Variants in TRAPPC9 observed in about 807,000 individuals in gnomAD.
The protein encoded by TRAPPC9 is IKK2 binding protein.
Under a neutral mutation model 124.0 loss-of-function variants are expected in TRAPPC9, and 83 were observed. That is an observed-to-expected ratio of 0.67 (90% CI 0.56 to 0.80). The LOEUF is 0.80. Ranked by LOEUF, TRAPPC9 falls within the 30% of genes least tolerant of loss-of-function variation. The pLI is 0.00. For missense variants in TRAPPC9, 1,302 were observed against 1,508.3 expected (o/e 0.86, Z 2.27); for synonymous variants, 638 against 617.5 (o/e 1.03, Z -0.49).
chr8:139,804,629 GCCA>G (rs1332884730), intron 21 of TRAPPC9, among the ~76,000 whole-genome samples: 3 of 34,554 alleles, frequency 8.7e-5, no homozygotes, highest in Non-Finnish European at 1.5e-4. Context: ...ACCCACCACC[GCCA>G]CCAAGCACCA....
At chr8:140,446,279 G>GT (rs1208629026) in intron 2 of TRAPPC9, among the ~76,000 whole-genome samples, 21 of 127,068 alleles carry the variant, frequency 1.7e-4, no homozygotes, top group African/African-American at 6.2e-4. Context: ...GGGCGAAAGA[G>GT]TAAGACTCTG....
chr8:140,413,669 C>T (rs1398460430), intron 5 of TRAPPC9, among the ~76,000 whole-genome samples: 1 of 108,402 alleles, frequency 9.2e-6, no homozygotes, highest in African/African-American at 3.6e-5. Context: ...CCTCCCCCCA[C>T]CCCACAACAG....
At chr8:139,823,876 C>G (rs1825439476) in intron 21 of TRAPPC9, among the ~76,000 whole-genome samples, 1 of 152,204 alleles carries the variant, frequency 6.6e-6, no homozygotes, top group Non-Finnish European at 1.5e-5. Flanking sequence ...AAGCCCACAC[C>G]TGCTCCCTCC....
chr8:140,260,926 T>C (rs1016093879), intron 15 of TRAPPC9, among the ~76,000 whole-genome samples: 1 of 152,142 alleles, frequency 6.6e-6, no homozygotes, highest in African/African-American at 2.4e-5. Context: ...GAGAGTACTT[T>C]GAAAAGATAT....
chr8:139,898,354 C>T (rs140311066), intron 20 of TRAPPC9, among the ~76,000 whole-genome samples: 301 of 152,344 alleles, frequency 2.0e-3, no homozygotes, highest in African/African-American at 7.0e-3. Context: ...GGCAGGTTTA[C>T]GGTCTCTGAG....
intron 19 of TRAPPC9, among the ~76,000 whole-genome samples, chr8:139,964,057 T>C (rs1042450846): frequency 4.0e-5 from 6 of 151,660 alleles, no homozygotes; most frequent in Non-Finnish European, 8.8e-5. Context: ...ACCTTGTCTG[T>C]ACTAAAAATA....
chr8:140,110,103 C>A (rs1390450523), intron 17 of TRAPPC9, among the ~76,000 whole-genome samples: 1 of 151,754 alleles, frequency 6.6e-6, no homozygotes, highest in Non-Finnish European at 1.5e-5. Flanking sequence ...AGAGTAGGGC[C>A]GCAGTGGTTG....
In TRAPPC9 at chr8:140,257,087, C is replaced by T. The variant is rs1222186721; in HGVS notation, c.2279-4158G>A. 6.6e-6 allele frequency among the ~76,000 whole-genome samples: 1 copy of T among 152,212 alleles called. No individual in the cohort carries two copies. Among genetic ancestry groups the T allele is most frequent in the African/African-American group, 2.4e-5 (1 of 41,466 alleles). ...GTTCATATGCTAAGGCCAGAGGAGG[C>T]ATGAGTCTCCGCCATAGTGCAGAGT... On this transcript the variant is annotated intron_variant, in intron 15 of 22. Transcript: ENST00000438773. This position sits in a 1 kb window ranked among gnomAD's most constrained non-coding sequence, Gnocchi z 4.6.
intron 9 of TRAPPC9, among the ~76,000 whole-genome samples, chr8:140,336,541 G>C (rs1334336013): frequency 1.3e-5 from 2 of 152,176 alleles, no homozygotes; most frequent in Non-Finnish European, 2.9e-5. Flanking sequence ...ATCTCACTAA[G>C]ATCAAGGCCC....
intron 21 of TRAPPC9, among the ~76,000 whole-genome samples, chr8:139,747,053 CAGCTTTCTGAGA>C (rs1376204842): frequency 6.6e-6 from 1 of 152,226 alleles, no homozygotes; most frequent in Admixed American, 6.5e-5. Flanking sequence ...TATGCAAAGA[CAGCTTTCTGAGA>C]AGAGCAGAGA....
At chr8:140,219,651 G>A (rs1390588783) in intron 17 of TRAPPC9, among the ~76,000 whole-genome samples, 2 of 152,094 alleles carry the variant, frequency 1.3e-5, no homozygotes, top group Admixed American at 1.3e-4. Context: ...CCACCTCCTC[G>A]TGTGGCTTCC....
intron 14 of TRAPPC9, among the ~76,000 whole-genome samples, chr8:140,281,686 G>A (rs1025118188): frequency 6.6e-6 from 1 of 152,172 alleles, no homozygotes; most frequent in Admixed American, 6.5e-5. Flanking sequence ...TCAAGGTCAT[G>A]ATAATTTTCT....
rs977248413 is a variant in TRAPPC9, at chr8:139,742,297, T to C, written c.3056-10095A>G. Among the ~76,000 whole-genome samples, 2 of 152,232 alleles carry C rather than the reference T, an allele frequency of 1.3e-5. No homozygotes were observed. The highest frequency in any genetic ancestry group is 2.9e-5 in the Non-Finnish European group (2 of 68,042). On this transcript the variant is annotated intron_variant, in intron 21 of 22. Coordinates refer to ENST00000438773, the MANE Select transcript of TRAPPC9 (RefSeq NM_001160372.4). The surrounding 1 kb of genome is among the most constrained non-coding windows in gnomAD (Gnocchi z 4.7). ...CATGCTGCCGGCGCTCACTGCTCCC[T>C]GTGCAGACAGCCCAGCTTCGCCCCA...
intron 20 of TRAPPC9, among the ~76,000 whole-genome samples, chr8:139,901,199 C>T (rs1210842509): frequency 6.6e-6 from 1 of 151,978 alleles, no homozygotes; most frequent in African/African-American, 2.4e-5. Flanking sequence ...GTCATCTCTC[C>T]CTGCTGGAAA....
intron 17 of TRAPPC9, among the ~76,000 whole-genome samples, chr8:140,044,116 G>A (rs1026947420): frequency 9.2e-5 from 14 of 152,016 alleles, no homozygotes; most frequent in Non-Finnish European, 1.5e-4. Flanking sequence ...CAAGGTAGAC[G>A]GTCAAGCCAA....
At chr8:140,036,597 A>T (rs1199887998) in intron 17 of TRAPPC9, among the ~76,000 whole-genome samples, 1 of 152,170 alleles carries the variant, frequency 6.6e-6, no homozygotes, top group Non-Finnish European at 1.5e-5. Context: ...AGGACACAGG[A>T]AGTTTGAGAT....
chr8:140,314,713 C>CA (rs981543546), intron 9 of TRAPPC9, among the ~76,000 whole-genome samples: 2 of 152,192 alleles, frequency 1.3e-5, no homozygotes, highest in African/African-American at 2.4e-5. Context: ...CTGTGCCTGG[C>CA]TTTTTTCACT....
At chr8:140,201,208 T>C (rs994583624) in intron 17 of TRAPPC9, among the ~76,000 whole-genome samples, 1 of 152,150 alleles carries the variant, frequency 6.6e-6, no homozygotes, top group Non-Finnish European at 1.5e-5. Context: ...AAGCAAAATA[T>C]TCCGAAAGAG....
chr8:140,013,381 C>T (rs1839260536), intron 18 of TRAPPC9, among the ~76,000 whole-genome samples: 1 of 152,214 alleles, frequency 6.6e-6, no homozygotes, highest in Non-Finnish European at 1.5e-5. Flanking sequence ...TCTAAACAAA[C>T]AACTCAAATC....
Sources: gnomAD v4.1 joint callset for allele counts (sites outside exome capture counted in the v4.1 genomes callset) on GRCh38, gnomAD v4.1.1 for gene constraint, Gnocchi (gnomAD v3.1) non-coding constraint, MANE v1.5 for transcripts, NCBI Gene and HGNC (gene_info 2026-07-23, HGNC 2026-07-21) for gene names.